SPAG17: variants seen among roughly 807,000 people sequenced by gnomAD.
SPAG17 encodes sperm associated antigen 17.
In SPAG17, 169 loss-of-function variants were observed where a neutral mutation model predicts 273.6. The observed-to-expected ratio is 0.62, with a 90% CI of 0.55 to 0.70. The LOEUF (loss-of-function observed/expected upper bound fraction) is 0.70, where lower values mean the gene tolerates loss of function less well. Ranked by LOEUF, SPAG17 falls within the 30% of genes least tolerant of loss-of-function variation. SPAG17 has a pLI of 0.00. For missense variants in SPAG17, 2,557 were observed against 2,627.8 expected (o/e 0.97, Z 0.59); for synonymous variants, 825 against 873.2 (o/e 0.94, Z 0.97).
At chr1:118,078,922 G>A (rs1244162225) in intron 15 of SPAG17, among the ~76,000 whole-genome samples, 1 of 151,870 alleles carries the variant, frequency 6.6e-6, no homozygotes, top group Non-Finnish European at 1.5e-5. Flanking sequence ...ACCTGTTTGT[G>A]ATATATGATT....
At chr1:117,955,448 T>C (rs1398656353) in intron 48 of SPAG17, 3 of 1,231,016 alleles carry the variant, frequency 2.4e-6, no homozygotes, top group African/African-American at 1.5e-5. Flanking sequence ...GAAATTATAA[T>C]TGATGGTTAT....
intron 18 of SPAG17, among the ~76,000 whole-genome samples, chr1:118,061,946 A>G (rs1652341282): frequency 1.3e-5 from 2 of 152,220 alleles, no homozygotes; most frequent in South Asian, 2.1e-4. Flanking sequence ...GTTGAAATCA[A>G]TCTAAAAATA....
At chr1:118,090,899 A>G (rs1056919698) in intron 10 of SPAG17, among the ~76,000 whole-genome samples, 6 of 152,034 alleles carry the variant, frequency 3.9e-5, no homozygotes, top group Non-Finnish European at 7.4e-5. Context: ...AATTAAATAA[A>G]TAACAAATAT....
chr1:118,052,444 T>G (rs951882686), intron 20 of SPAG17, among the ~76,000 whole-genome samples: 28 of 151,624 alleles, frequency 1.8e-4, no homozygotes, highest in Admixed American at 2.6e-4. Context: ...AAATTTCAAT[T>G]AGACAGGAGG....
intron 26 of SPAG17, among the ~76,000 whole-genome samples, chr1:118,026,753 C>T (rs1647794050): frequency 1.3e-5 from 2 of 152,126 alleles, no homozygotes; most frequent in Non-Finnish European, 2.9e-5. Flanking sequence ...TCTTATATTA[C>T]AAAAGCAACC....
At chr1:118,098,628 G>C (rs918156168) in intron 6 of SPAG17, among the ~76,000 whole-genome samples, 1 of 151,992 alleles carries the variant, frequency 6.6e-6, no homozygotes, top group Non-Finnish European at 1.5e-5. Flanking sequence ...GAATAGCCTA[G>C]GTTTGAACCT....
intron 3 of SPAG17, among the ~76,000 whole-genome samples, chr1:118,120,818 C>T (rs1657377824): frequency 6.6e-6 from 1 of 152,180 alleles, no homozygotes; most frequent in African/African-American, 2.4e-5. Flanking sequence ...TAAATCCTTC[C>T]TGCCATGAAA....
chr1:118,146,579 C>A (rs781354515), intron 3 of SPAG17, among the ~76,000 whole-genome samples: 3 of 152,158 alleles, frequency 2.0e-5, no homozygotes, highest in Non-Finnish European at 4.4e-5. Flanking sequence ...AAATGTAGTA[C>A]ACATTAATTC....
intron 5 of SPAG17, 29 bp from the exon 6 acceptor site, chr1:118,099,829 C>G: frequency 6.3e-7 from 1 of 1,597,400 alleles, no homozygotes. Flanking sequence ...AGAAGAGCAG[C>G]CATCATTGTA....
intron 25 of SPAG17, among the ~76,000 whole-genome samples, chr1:118,031,177 C>CTTTTT (rs1015324627): frequency 5.3e-4 from 29 of 54,896 alleles, no homozygotes; most frequent in Non-Finnish European, 6.1e-4. Flanking sequence ...GAGGACTACT[C>CTTTTT]TTTTTTTTTT....
chr1:118,032,596 A>T (rs1264218492), intron 24 of SPAG17, among the ~76,000 whole-genome samples: 1 of 150,272 alleles, frequency 6.7e-6, no homozygotes, highest in Admixed American at 6.6e-5. Flanking sequence ...ATTTTTATTT[A>T]TTATTATTAT....
intron 48 of SPAG17, among the ~76,000 whole-genome samples, chr1:117,955,986 A>G (rs1456076291): frequency 6.6e-6 from 1 of 152,174 alleles, no homozygotes; most frequent in Admixed American, 6.5e-5. Context: ...ATTACTTTCC[A>G]GGGTGATTAT....
At position 118,031,874 on chromosome 1, in the gene SPAG17, G is replaced by T. The variant is rs1648519144; in HGVS notation, c.3434-7C>A. On this transcript the variant is annotated splice_region_variant and splice_polypyrimidine_tract_variant and intron_variant, in intron 24 of 48. Coordinates refer to ENST00000336338, the MANE Select transcript of SPAG17 (RefSeq NM_206996.4). ...AAATCAGGATCCTTATCTTCTATAA[G>T]CAGAAAAAGTAAAAATGAAGTTGAT... 2 of 1,550,972 alleles carry T rather than the reference G, an allele frequency of 1.3e-6. No homozygotes were observed. Among genetic ancestry groups the T allele is most frequent in the Non-Finnish European group, 1.7e-6 (2 of 1,145,234 alleles).
intron 3 of SPAG17, 22 bp from the exon 4 acceptor site, chr1:118,115,463 A>C: frequency 6.3e-7 from 1 of 1,596,624 alleles, no homozygotes; most frequent in East Asian, 2.2e-5. Context: ...CACAATTATT[A>C]GAAAAAGTGA....
In SPAG17 at chr1:117,970,131, GAT is replaced by G. The variant is rs1405990076; in HGVS notation, c.6327-17_6327-16del. Reference sequence around the variant, plus strand: ...TTACTTTAAACCTACAAGGCAGAAAGATAAAAATAAATTTATGACATAATGAA... The same window carrying G: ...TTACTTTAAACCTACAAGGCAGAAAGAAAAATAAATTTATGACATAATGAA... On this transcript the variant is annotated splice_polypyrimidine_tract_variant and intron_variant, in intron 45 of 48. Transcript: ENST00000336338. The G allele has an allele frequency of 6.2e-7, 1 of 1,606,660 alleles. No individual in the cohort carries two copies. The highest frequency in any genetic ancestry group is 8.5e-7 in the Non-Finnish European group (1 of 1,177,632).
At chr1:118,143,565 G>C (rs1658798079) in intron 3 of SPAG17, among the ~76,000 whole-genome samples, 1 of 152,062 alleles carries the variant, frequency 6.6e-6, no homozygotes, top group African/African-American at 2.4e-5. Context: ...CAAAAAAAAA[G>C]AGATTAGGTT....
intron 3 of SPAG17, among the ~76,000 whole-genome samples, chr1:118,119,237 G>T (rs1657280290): frequency 6.6e-6 from 1 of 152,204 alleles, no homozygotes; most frequent in Admixed American, 6.5e-5. Context: ...TTTCCCTTGT[G>T]TGTTGACAAG....
At chr1:118,114,850 G>A (rs1453689841) in intron 4 of SPAG17, among the ~76,000 whole-genome samples, 3 of 152,160 alleles carry the variant, frequency 2.0e-5, no homozygotes, top group African/African-American at 7.2e-5. Flanking sequence ...ATGGATTGCT[G>A]CTGAAATATT....
rs144461737 is a variant in SPAG17, at chr1:118,036,368, T to TA, written c.3433+401dup. Reference sequence around the variant, plus strand: ...AAACCAAGAGGATTCCTTGGCAATTTATGCTTTCTTTTACACCCAACCAAA... The same window carrying TA: ...AAACCAAGAGGATTCCTTGGCAATTTAATGCTTTCTTTTACACCCAACCAAA... On this transcript the variant is annotated intron_variant, in intron 24 of 48. Transcript: ENST00000336338. Among the ~76,000 whole-genome samples, 1,000 of 152,198 alleles carry TA rather than the reference T, an allele frequency of 6.6e-3. 10 individuals carry two copies. The highest frequency in any genetic ancestry group is 0.016 in the African/African-American group (657 of 41,534).
Sources: gnomAD v4.1 joint callset for allele counts (sites outside exome capture counted in the v4.1 genomes callset) on GRCh38, gnomAD v4.1.1 for gene constraint, MANE v1.5 for transcripts, NCBI Gene and HGNC (gene_info 2026-07-23, HGNC 2026-07-21) for gene names.